PTPRD: variants seen among roughly 807,000 people sequenced by gnomAD.
The protein encoded by PTPRD is protein tyrosine phosphatase receptor type D, also known as receptor-type tyrosine-protein phosphatase delta.
In PTPRD, 34 loss-of-function variants were observed where a neutral mutation model predicts 214.5. The ratio of observed to expected loss-of-function variants is 0.16; its 90% CI spans 0.12 to 0.21. PTPRD has a LOEUF of 0.21. Ranked by LOEUF, PTPRD falls within the 10% of genes least tolerant of loss-of-function variation. The pLI is 1.00. For synonymous variants in PTPRD, 1,128 were observed against 845.7 expected (o/e 1.33, Z -5.79); for missense variants, 2,545 against 2,398.7 (o/e 1.06, Z -1.27).
intron 6 of PTPRD, among the ~76,000 whole-genome samples, chr9:9,752,176 T>A (rs1596751825): frequency 6.6e-6 from 1 of 152,204 alleles, no homozygotes; most frequent in African/African-American, 2.4e-5. Context: ...AACACTTAGC[T>A]AAATTGAAGT....
intron 5 of PTPRD, among the ~76,000 whole-genome samples, chr9:9,775,763 GA>G (rs1354577518): frequency 6.6e-6 from 1 of 152,018 alleles, no homozygotes; most frequent in Non-Finnish European, 1.5e-5. Flanking sequence ...CTAACACGGT[GA>G]AACCCAGTCT....
At position 8,534,048 on chromosome 9, in the gene PTPRD, T is replaced by A. The variant is rs559523022; in HGVS notation, c.353-5269A>T. ...AATTAGAGACTTAAAAAATGGCTGT[T>A]TGTGACTTTATTTTCACAATCTTTA... is the stretch of plus-strand genomic sequence containing the variant. On this transcript the variant is annotated intron_variant, in intron 14 of 45. Coordinates refer to ENST00000381196, the MANE Select transcript of PTPRD (RefSeq NM_002839.4). Among the ~76,000 whole-genome samples, 23 of 152,158 alleles carry A rather than the reference T, an allele frequency of 1.5e-4. No individual in the cohort carries two copies. The South Asian group carries it at 4.8e-3, about 32-fold the overall frequency.
chr9:9,695,410 G>T (rs890458880), intron 7 of PTPRD, among the ~76,000 whole-genome samples: 2 of 152,164 alleles, frequency 1.3e-5, no homozygotes, highest in African/African-American at 4.8e-5. Context: ...GAAGTTGGGG[G>T]AAGGATTGTG....
chr9:9,634,981 G>A (rs1300095483), intron 7 of PTPRD, among the ~76,000 whole-genome samples: 2 of 152,142 alleles, frequency 1.3e-5, no homozygotes, highest in African/African-American at 4.8e-5. Flanking sequence ...ATAAGGATAT[G>A]TGAAACACAA....
chr9:9,985,530 G>C (rs1277579878), intron 4 of PTPRD, among the ~76,000 whole-genome samples: 1 of 152,026 alleles, frequency 6.6e-6, no homozygotes, highest in African/African-American at 2.4e-5. Flanking sequence ...TGATGTGCTA[G>C]TGATACAGAT....
chr9:9,076,729 G>C (rs2099751769), intron 10 of PTPRD, among the ~76,000 whole-genome samples: 1 of 151,068 alleles, frequency 6.6e-6, no homozygotes, highest in Admixed American at 6.6e-5. Flanking sequence ...CAAAATCTTG[G>C]CTATTGTGAA....
intron 2 of PTPRD, among the ~76,000 whole-genome samples, chr9:10,429,056 G>C (rs2098652409): frequency 6.6e-6 from 1 of 151,956 alleles, no homozygotes; most frequent in South Asian, 2.1e-4. Flanking sequence ...TTTTCATCAT[G>C]TGATGATAAA....
chr9:8,977,788 G>A (rs75192921), intron 11 of PTPRD, among the ~76,000 whole-genome samples: 1 of 151,632 alleles, frequency 6.6e-6, no homozygotes, highest in South Asian at 2.1e-4. Flanking sequence ...AGTAAAGAGA[G>A]TTTTAAATTA....
chr9:8,346,449 A>G (rs1017393570), intron 39 of PTPRD, among the ~76,000 whole-genome samples: 22 of 152,156 alleles, frequency 1.4e-4, no homozygotes, highest in Non-Finnish European at 2.4e-4. Flanking sequence ...GCGGTTAACC[A>G]CGGTCTGAAA....
chr9:10,504,616 C>T (rs935751777), intron 2 of PTPRD, among the ~76,000 whole-genome samples: 1 of 152,046 alleles, frequency 6.6e-6, no homozygotes, highest in African/African-American at 2.4e-5. Flanking sequence ...GCAACTCTTC[C>T]GAATTCGTCA....
intron 11 of PTPRD, among the ~76,000 whole-genome samples, chr9:8,761,673 T>G (rs1377939086): frequency 2.6e-5 from 4 of 152,186 alleles, no homozygotes; most frequent in Admixed American, 6.5e-5. Context: ...TCTACATGGA[T>G]AATTTTATAG....
chr9:10,387,026 G>C (rs1363068972), intron 2 of PTPRD, among the ~76,000 whole-genome samples: 1 of 151,694 alleles, frequency 6.6e-6, no homozygotes, highest in African/African-American at 2.4e-5. Context: ...GGGGCCATGA[G>C]TCAAGGAATG....
chr9:8,765,251 G>C (rs1284783794), intron 11 of PTPRD, among the ~76,000 whole-genome samples: 2 of 152,170 alleles, frequency 1.3e-5, no homozygotes, highest in Non-Finnish European at 2.9e-5. Flanking sequence ...CTGTGGGCTA[G>C]ACTTAGTGAC....
At position 8,507,308 on chromosome 9, in the gene PTPRD, C is replaced by T. The variant is rs2097562982; in HGVS notation, c.1670G>A (p.Gly557Glu). The change falls in exon 22 of 46, where the codon GGA (glycine) becomes GAA (glutamate). Residue 557 changes from glycine to glutamate, a missense_variant. Transcript: ENST00000381196. ...GAAGCACTATAGTCTTACCTCCTCT[C>T]CATGCTCCCCATCTTTGTAGACCAG... ...YELVYKDGEH[G>E]EEQRITIEPG... 4 of 1,613,830 alleles carry T rather than the reference C, an allele frequency of 2.5e-6. No individual in the cohort carries two copies. The highest frequency in any genetic ancestry group is 3.3e-5 in the Admixed American group (2 of 60,018).
chr9:9,314,371 A>T (rs1198791989), intron 9 of PTPRD, among the ~76,000 whole-genome samples: 4 of 152,140 alleles, frequency 2.6e-5, no homozygotes, highest in Non-Finnish European at 5.9e-5. Context: ...GTAGTATATA[A>T]AAAATTCAGT....
At chr9:10,349,536 C>G (rs12342062) in intron 2 of PTPRD, among the ~76,000 whole-genome samples, 3 of 151,712 alleles carry the variant, frequency 2.0e-5, no homozygotes, top group Admixed American at 2.0e-4. Flanking sequence ...TATTTGATGT[C>G]CTGTGGATTT....
chr9:9,842,399 C>A (rs1326969568), intron 5 of PTPRD, among the ~76,000 whole-genome samples: 1 of 136,814 alleles, frequency 7.3e-6, no homozygotes, highest in African/African-American at 2.7e-5. Context: ...TTCATCTTTC[C>A]TAAGTGAAAA....
At chr9:8,582,817 T>C (rs894030598) in intron 14 of PTPRD, among the ~76,000 whole-genome samples, 3 of 152,086 alleles carry the variant, frequency 2.0e-5, no homozygotes, top group African/African-American at 7.2e-5. Flanking sequence ...TGGAGACAAA[T>C]GGTGATATGT....
intron 7 of PTPRD, among the ~76,000 whole-genome samples, chr9:9,700,422 A>G (rs1355301087): frequency 4.6e-5 from 7 of 152,098 alleles, no homozygotes; most frequent in Non-Finnish European, 7.4e-5. Context: ...TGGTAATTTT[A>G]TTACACAGTA....
Sources: allele counts gnomAD v4.1 joint callset (sites outside exome capture counted in the v4.1 genomes callset), GRCh38; gene constraint gnomAD v4.1.1; transcripts MANE v1.5; gene names NCBI Gene and HGNC (gene_info 2026-07-23, HGNC 2026-07-21).